The following QSOX1 variants were observed in gnomAD, a reference collection of about 807,000 sequenced individuals.
QSOX1 encodes quiescin sulfhydryl oxidase 1.
A neutral mutation model predicts 76.1 loss-of-function variants in QSOX1; 40 were observed. That is an observed-to-expected ratio of 0.53 (90% CI 0.41 to 0.68). The LOEUF (loss-of-function observed/expected upper bound fraction) is 0.68. Among genes scored for constraint, QSOX1 ranks in the 30% least tolerant of loss-of-function variants. The pLI is 0.00. For missense variants in QSOX1, 931 were observed against 974.3 expected (o/e 0.96, Z 0.59); for synonymous variants, 392 against 413.1 (o/e 0.95, Z 0.62).
intron 5 of QSOX1, among the ~76,000 whole-genome samples, chr1:180,181,404 G>A (rs1447252058): frequency 6.6e-6 from 1 of 152,120 alleles, no homozygotes; most frequent in African/African-American, 2.4e-5. Flanking sequence ...GCCTCTTGTT[G>A]CCTTCAGAGA....
chr1:180,177,783 C>T (rs1209328974), intron 4 of QSOX1, among the ~76,000 whole-genome samples: 1 of 152,240 alleles, frequency 6.6e-6, no homozygotes, highest in East Asian at 1.9e-4. Flanking sequence ...CAGCGGGGTG[C>T]ACTCTGGCCC....
chr1:180,166,783 C>A (rs1177464091), intron 2 of QSOX1, among the ~76,000 whole-genome samples, 192 bp downstream of exon 2: 1 of 152,224 alleles, frequency 6.6e-6, no homozygotes, highest in Non-Finnish European at 1.5e-5. Context: ...CCCTCTTGAC[C>A]TCCAAGCCTT....
chr1:180,196,454 A>G lies in QSOX1; in HGVS notation c.1661A>G (p.Asp554Gly), dbSNP rs753004589. ...FPAAGSAARR[D>G]VQNVAAAPEL... Reference sequence around the variant, plus strand: ...GCAGCTGGGTCAGCTGCCCGGAGGGATGTGCAGAATGTGGCAGCCGCCCCA... The same window carrying G: ...GCAGCTGGGTCAGCTGCCCGGAGGGGTGTGCAGAATGTGGCAGCCGCCCCA... The change falls in exon 12 of 12, where the codon GAT (aspartate) becomes GGT (glycine). Residue 554 changes from aspartate to glycine, a missense_variant. Coordinates refer to ENST00000367602, the MANE Select transcript of QSOX1 (RefSeq NM_002826.5). The surrounding 1 kb of genome is among the most constrained non-coding windows in gnomAD (Gnocchi z 4.1). 4 of 1,613,852 alleles carry G rather than the reference A, an allele frequency of 2.5e-6. No homozygotes were observed. In the African/African-American group the frequency reaches 4.0e-5, roughly 16 times the overall value.
intron 1 of QSOX1, among the ~76,000 whole-genome samples, chr1:180,157,486 T>C (rs1226354520): frequency 1.3e-5 from 2 of 152,154 alleles, no homozygotes; most frequent in Non-Finnish European, 2.9e-5. Context: ...CTGCCCATGC[T>C]CTCTGCTGAG....
chr1:180,199,784 C>T lies in QSOX1; in HGVS notation c.*2747C>T, dbSNP rs971959154. ...CTGCGAGACCTGAAGGATGGGAAGC[C>T]AGGAAGTGGGAGGGGTGGGGGTCCA... On this transcript the variant is annotated 3_prime_UTR_variant, in exon 12 of 12. Coordinates refer to ENST00000367602, the MANE Select transcript of QSOX1 (RefSeq NM_002826.5). 6.8e-6 allele frequency: 1 copy of T among 146,654 alleles called. No individual in the cohort carries two copies. Among genetic ancestry groups the T allele is most frequent in the African/African-American group, 2.5e-5 (1 of 40,588 alleles). The allele number at this position is 146,654 out of a possible 1,614,324, so 9.1% of individuals were successfully genotyped here.
intron 1 of QSOX1, among the ~76,000 whole-genome samples, chr1:180,162,061 G>A (rs559729731): frequency 2.6e-5 from 4 of 152,300 alleles, no homozygotes; most frequent in Admixed American, 6.5e-5. Context: ...AGAGTTCATA[G>A]TAATAATGAC....
At chr1:180,195,662 C>G (rs955152672) in intron 11 of QSOX1, among the ~76,000 whole-genome samples, 4 of 152,124 alleles carry the variant, frequency 2.6e-5, no homozygotes, top group Non-Finnish European at 5.9e-5. Context: ...CCAAGTACCC[C>G]TCAGGTCTCC....
At chr1:180,159,857 T>C (rs1453088835) in intron 1 of QSOX1, among the ~76,000 whole-genome samples, 3 of 152,214 alleles carry the variant, frequency 2.0e-5, no homozygotes, top group Non-Finnish European at 4.4e-5. Flanking sequence ...AGAAATATTA[T>C]TTAACAGTTC....
chr1:180,171,782 G>A (rs1402954402), intron 2 of QSOX1, among the ~76,000 whole-genome samples: 1 of 152,176 alleles, frequency 6.6e-6, no homozygotes, highest in Non-Finnish European at 1.5e-5. Flanking sequence ...TAGGACCAGG[G>A]CAAGGGGGCC....
In QSOX1 at chr1:180,198,149, C is replaced by T. The variant is rs955725346; in HGVS notation, c.*1112C>T. ...CAGACTCGATGTCCCTCAGCACACA[C>T]AGCTCCTGGCCACAGACTGCCCATA... On this transcript the variant is annotated 3_prime_UTR_variant, in exon 12 of 12. Coordinates refer to ENST00000367602, the MANE Select transcript of QSOX1 (RefSeq NM_002826.5). 23 of 456,318 alleles carry T rather than the reference C, an allele frequency of 5.0e-5. 1 individual carries two copies. The highest frequency in any genetic ancestry group is 1.3e-5 in the Non-Finnish European group (3 of 226,708). 28.3% of individuals were successfully genotyped at this position (456,318 alleles called of 1,614,324 possible).
rs1362354279 is a variant in QSOX1, at chr1:180,154,877, C to T, written c.-31C>T. ...GCGCCGGGACCCGACTCATCCGGTG[C>T]TTGCGTGTGGTGGTGAGCGCAGCGC... On this transcript the variant is annotated 5_prime_UTR_variant, in exon 1 of 12. Coordinates refer to ENST00000367602, the MANE Select transcript of QSOX1 (RefSeq NM_002826.5). 4 of 1,371,790 alleles carry T rather than the reference C, an allele frequency of 2.9e-6. No individual in the cohort carries two copies. Among genetic ancestry groups the T allele is most frequent in the African/African-American group, 3.1e-5 (2 of 65,468 alleles). 85.0% of individuals were successfully genotyped at this position (1,371,790 alleles called of 1,614,324 possible). A position where few individuals can be genotyped will look rare whatever the true frequency, so the allele number is the denominator to read the frequency against.
chr1:180,173,789 A>T (rs780633913), intron 2 of QSOX1, among the ~76,000 whole-genome samples: 2 of 152,250 alleles, frequency 1.3e-5, no homozygotes, highest in Non-Finnish European at 2.9e-5. Context: ...TACAGTTAAC[A>T]TGTACCAGTT....
At chr1:180,156,564 C>T (rs1295739018) in intron 1 of QSOX1, among the ~76,000 whole-genome samples, 1 of 152,174 alleles carries the variant, frequency 6.6e-6, no homozygotes, top group Non-Finnish European at 1.5e-5. Flanking sequence ...TCTGAAGAGG[C>T]GAGATGGAAC....
At chr1:180,155,433 G>A (rs1232578523) in intron 1 of QSOX1, among the ~76,000 whole-genome samples, 1 of 152,072 alleles carries the variant, frequency 6.6e-6, no homozygotes, top group Non-Finnish European at 1.5e-5. Flanking sequence ...TGCCCTGCTC[G>A]CCCGGTTCGT....
At chr1:180,161,033 A>G (rs536571027) in intron 1 of QSOX1, among the ~76,000 whole-genome samples, 121 of 152,122 alleles carry the variant, frequency 8.0e-4, no homozygotes, top group Middle Eastern at 6.8e-3. Flanking sequence ...TTAGGAACAT[A>G]TTTTTTCTCT....
In QSOX1 at chr1:180,184,028, A is replaced by G; in HGVS notation, c.865A>G (p.Thr289Ala). ...APTTANKIAP[T>A]VWKLADRSKI... ...AACCACTGCTAACAAGATAGCTCCC[A>G]CTGTTTGGAAATTGGCAGATCGGTA... Residue 289 changes from threonine to alanine, a missense_variant, in exon 7 of 12, where the codon ACT becomes GCT. Coordinates refer to ENST00000367602, the MANE Select transcript of QSOX1 (RefSeq NM_002826.5). 6.2e-7 allele frequency: 1 copy of G among 1,614,152 alleles called. No homozygotes were observed. The highest frequency in any genetic ancestry group is 8.5e-7 in the Non-Finnish European group (1 of 1,180,020).
chr1:180,155,311 G>A (rs1662351221), intron 1 of QSOX1, 139 bp downstream of exon 1: 4 of 796,970 alleles, frequency 5.0e-6, no homozygotes, highest in Middle Eastern at 3.8e-4. Context: ...CGCATCCCAC[G>A]CCCACCACCT....
At chr1:180,167,308 T>C (rs111373142) in intron 2 of QSOX1, among the ~76,000 whole-genome samples, 33 of 152,344 alleles carry the variant, frequency 2.2e-4, no homozygotes, top group African/African-American at 7.7e-4. Context: ...TTCAAATCTC[T>C]GTCTCTGTAG....
intron 1 of QSOX1, among the ~76,000 whole-genome samples, chr1:180,159,561 G>A (rs1662448203): frequency 6.6e-6 from 1 of 152,230 alleles, no homozygotes; most frequent in Non-Finnish European, 1.5e-5. Context: ...GAGCAGAGGA[G>A]TTTGGCTTTA....
Sources: allele counts gnomAD v4.1 joint callset (sites outside exome capture counted in the v4.1 genomes callset), GRCh38; gene constraint gnomAD v4.1.1; non-coding constraint Gnocchi (gnomAD v3.1); transcripts MANE v1.5; gene names NCBI Gene and HGNC (gene_info 2026-07-23, HGNC 2026-07-21).